Variants in GALNT3 observed in about 807,000 individuals in gnomAD.
The protein encoded by GALNT3 is polypeptide N-acetylgalactosaminyltransferase 3.
GALNT3 carries 51 observed loss-of-function variants against 69.8 expected under a neutral mutation model. That is an observed-to-expected ratio of 0.73 (90% CI 0.58 to 0.92). GALNT3 has a LOEUF of 0.92. Among genes scored for constraint, GALNT3 ranks in the 40% least tolerant of loss-of-function variants. The probability of loss-of-function intolerance (pLI) is 0.00; values close to 1 mark genes in which losing one functional copy is unlikely to be tolerated. For synonymous variants in GALNT3, 265 were observed against 248.5 expected (o/e 1.07, Z -0.63); for missense variants, 711 against 760.0 (o/e 0.94, Z 0.76).
chr2:165,786,417 A>C (rs1683221049), intron 1 of GALNT3, among the ~76,000 whole-genome samples: 1 of 152,166 alleles, frequency 6.6e-6, no homozygotes, highest in Non-Finnish European at 1.5e-5. Flanking sequence ...TATCTGCAGG[A>C]GATTGGTTCC....
chr2:165,773,222 T>C (rs1464979202), intron 1 of GALNT3, among the ~76,000 whole-genome samples: 3 of 152,074 alleles, frequency 2.0e-5, no homozygotes, highest in African/African-American at 7.2e-5. Context: ...ATCATGGGGG[T>C]GGTTTCCCCC....
In GALNT3 at chr2:165,764,759, C is replaced by A; in HGVS notation, c.688+125G>T. The A allele has an allele frequency of 3.2e-6, 3 of 933,666 alleles. No individual in the cohort carries two copies. The South Asian group carries it at 4.0e-5, about 12-fold the overall frequency. 57.8% of individuals were successfully genotyped at this position (933,666 alleles called of 1,614,324 possible). ...TTGGATTCTAATTTCATTCACCATACCCACTATCCAAACTATTATATTCAA... is the reference window on the plus strand; with the variant it reads ...TTGGATTCTAATTTCATTCACCATAACCACTATCCAAACTATTATATTCAA... On this transcript the variant is annotated intron_variant, in intron 3 of 10. Transcript: ENST00000392701.
At chr2:165,754,814 G>T (rs1220867623) in intron 8 of GALNT3, 86 bp from the exon 9 acceptor site, 1 of 1,367,338 alleles carries the variant, frequency 7.3e-7, no homozygotes, top group Non-Finnish European at 1.0e-6. Context: ...TAATGTTAAT[G>T]ATTATAATGT....
intron 7 of GALNT3, among the ~76,000 whole-genome samples, chr2:165,755,756 T>C (rs1271343272): frequency 6.6e-6 from 1 of 152,218 alleles, no homozygotes; most frequent in African/African-American, 2.4e-5. Flanking sequence ...AATATCTAAA[T>C]GTATGCAAAA....
chr2:165,776,425 T>C (rs1177539245), intron 1 of GALNT3, among the ~76,000 whole-genome samples: 1 of 152,176 alleles, frequency 6.6e-6, no homozygotes, highest in Non-Finnish European at 1.5e-5. Flanking sequence ...GTTCTTCTTG[T>C]ACTCTTTCTA....
intron 9 of GALNT3, among the ~76,000 whole-genome samples, chr2:165,751,588 G>C (rs896842911): frequency 6.6e-6 from 1 of 151,984 alleles, no homozygotes; most frequent in Admixed American, 6.6e-5. Context: ...AAAGTACTTT[G>C]GTAACAAAAA....
intron 7 of GALNT3, among the ~76,000 whole-genome samples, chr2:165,755,346 G>A (rs1688427591): frequency 6.6e-6 from 1 of 152,116 alleles, no homozygotes; most frequent in Non-Finnish European, 1.5e-5. Flanking sequence ...ACAAGACAAA[G>A]ATTTCTAGTA....
intron 1 of GALNT3, among the ~76,000 whole-genome samples, chr2:165,788,433 G>A (rs1185650028): frequency 6.7e-6 from 1 of 149,974 alleles, no homozygotes; most frequent in Non-Finnish European, 1.5e-5. Flanking sequence ...AATGGAAAGA[G>A]AAATTTTGCA....
At chr2:165,788,899 TGA>T (rs58158977) in intron 1 of GALNT3, among the ~76,000 whole-genome samples, 1,615 of 152,212 alleles carry the variant, frequency 0.011, 36 homozygotes, top group African/African-American at 0.036. Context: ...GGATTTTAAG[TGA>T]GAGAGAGAAT....
chr2:165,763,935 C>T (rs575603938), intron 3 of GALNT3, among the ~76,000 whole-genome samples: 4 of 152,022 alleles, frequency 2.6e-5, no homozygotes, highest in South Asian at 2.1e-4. Context: ...TGAGGATAAT[C>T]GGACTCACCA....
chr2:165,749,442 A>G (rs1383880047), intron 10 of GALNT3, among the ~76,000 whole-genome samples: 2 of 152,168 alleles, frequency 1.3e-5, no homozygotes, highest in African/African-American at 2.4e-5. Flanking sequence ...GACTGTTGCT[A>G]AAAGCATTAT....
chr2:165,757,948 ATGTGCT>A (rs1688475324), intron 6 of GALNT3, among the ~76,000 whole-genome samples: 1 of 152,174 alleles, frequency 6.6e-6, no homozygotes, highest in Admixed American at 6.6e-5. Context: ...ATTTAATACT[ATGTGCT>A]TGTAGTAGAG....
intron 1 of GALNT3, among the ~76,000 whole-genome samples, chr2:165,776,213 C>T (rs1399316112): frequency 6.6e-6 from 1 of 152,036 alleles, no homozygotes; most frequent in Non-Finnish European, 1.5e-5. Context: ...GGAATAATGC[C>T]ATGTTCCTTG....
chr2:165,760,467 T>C (rs1193816214), intron 4 of GALNT3, among the ~76,000 whole-genome samples: 1 of 152,122 alleles, frequency 6.6e-6, no homozygotes, highest in African/African-American at 2.4e-5. Flanking sequence ...CAAAGCAGTA[T>C]TTGGCAGTCA....
chr2:165,768,730 T>C (rs1031321606), intron 2 of GALNT3, among the ~76,000 whole-genome samples: 1 of 151,518 alleles, frequency 6.6e-6, no homozygotes, highest in African/African-American at 2.4e-5. Flanking sequence ...AATTCTCTAA[T>C]ATCCAGAAAG....
chr2:165,756,989 A>G, intron 7 of GALNT3, 58 bp downstream of exon 7: 1 of 1,337,184 alleles, frequency 7.5e-7, no homozygotes, highest in Non-Finnish European at 1.1e-6. Flanking sequence ...TCGACGCAAA[A>G]GGACGTGTGA....
intron 9 of GALNT3, among the ~76,000 whole-genome samples, chr2:165,753,350 C>G (rs1045452792): frequency 6.6e-6 from 1 of 152,076 alleles, no homozygotes; most frequent in African/African-American, 2.4e-5. Context: ...TTCCTTCACA[C>G]TCTTCTTATT....
At chr2:165,784,297 CG>C (rs765334640) in intron 1 of GALNT3, among the ~76,000 whole-genome samples, 1 of 151,976 alleles carries the variant, frequency 6.6e-6, no homozygotes, top group African/African-American at 2.4e-5. Context: ...CTAATGAGAA[CG>C]GAAGTTTAGA....
intron 1 of GALNT3, among the ~76,000 whole-genome samples, chr2:165,790,447 T>C (rs1381572044): frequency 6.6e-6 from 1 of 152,186 alleles, no homozygotes; most frequent in East Asian, 1.9e-4. Context: ...ATTATTTTGA[T>C]ACTAACTAAA....
Sources: gnomAD v4.1 joint callset for allele counts (sites outside exome capture counted in the v4.1 genomes callset) on GRCh38, gnomAD v4.1.1 for gene constraint, MANE v1.5 for transcripts, NCBI Gene and HGNC (gene_info 2026-07-23, HGNC 2026-07-21) for gene names.